Variants in ERMP1 observed in about 807,000 individuals in gnomAD.
ERMP1 encodes the protein endoplasmic reticulum metallopeptidase 1.
In ERMP1, 86 loss-of-function variants were observed where a neutral mutation model predicts 92.0. The ratio of observed to expected loss-of-function variants is 0.93; its 90% CI spans 0.79 to 1.12. The LOEUF (loss-of-function observed/expected upper bound fraction) is 1.12, where lower values mean the gene tolerates loss of function less well. Among genes scored for constraint, ERMP1 ranks in the 50% most tolerant of loss-of-function variants. ERMP1 has a pLI of 0.00. For missense variants in ERMP1, 1,342 were observed against 1,116.3 expected (o/e 1.20, Z -2.88); for synonymous variants, 530 against 412.8 (o/e 1.28, Z -3.44).
chr9:5,860,290 CAA>C (rs112752410), intron 5 of ERMP1, among the ~76,000 whole-genome samples: 22 of 120,026 alleles, frequency 1.8e-4, no homozygotes, highest in Non-Finnish European at 1.4e-4. Context: ...ACCCTGTTTC[CAA>C]AAAAAAAAAA....
In ERMP1 at chr9:5,854,711, G is replaced by T. The variant is rs186946773; in HGVS notation, n.3199+4757C>A. The stretch of plus-strand genomic sequence containing the variant: ...TGGCTAATCTTTCATATTTTTGGTA[G>T]ATATGGGGTTTTGCCATGTTGCCCA... On this transcript the variant is annotated intron_variant and non_coding_transcript_variant, in intron 6 of 6. Transcript: ENST00000690753. Among the ~76,000 whole-genome samples, 596 of 152,170 alleles carry T rather than the reference G, an allele frequency of 3.9e-3. 1 individual carries two copies. The highest frequency in any genetic ancestry group is 6.8e-3 in the Middle Eastern group (2 of 294).
intron 5 of ERMP1, among the ~76,000 whole-genome samples, chr9:5,864,471 A>G (rs1830592332): frequency 6.6e-6 from 1 of 152,240 alleles, no homozygotes; most frequent in African/African-American, 2.4e-5. Flanking sequence ...AGTAATTAAT[A>G]GCACTTTTGT....
intron 6 of ERMP1, among the ~76,000 whole-genome samples, chr9:5,857,045 G>A (rs1318189560): frequency 6.6e-6 from 1 of 151,976 alleles, no homozygotes; most frequent in Non-Finnish European, 1.5e-5. Flanking sequence ...TTTGGAGACA[G>A]GGTCTTACTC....
At chr9:5,804,596 A>G (rs752323152) in intron 10 of ERMP1, among the ~76,000 whole-genome samples, 2 of 152,210 alleles carry the variant, frequency 1.3e-5, no homozygotes, top group Non-Finnish European at 2.9e-5. Context: ...GCCTCATCAG[A>G]TTTAGTCTTC....
chr9:5,819,032 C>A (rs1292042501), intron 4 of ERMP1, among the ~76,000 whole-genome samples: 4 of 152,168 alleles, frequency 2.6e-5, no homozygotes, highest in Non-Finnish European at 5.9e-5. Flanking sequence ...AAAAGCTATG[C>A]ATAAATTTAC....
intron 3 of ERMP1, among the ~76,000 whole-genome samples, chr9:5,824,421 AT>A (rs944330542): frequency 2.0e-5 from 3 of 152,112 alleles, no homozygotes; most frequent in African/African-American, 4.8e-5. Flanking sequence ...TTGTTTGCTC[AT>A]TTTTGAAACA....
At chr9:5,823,861 T>C (rs375292065) in intron 4 of ERMP1, 35 bp downstream of exon 4, 69 of 1,392,838 alleles carry the variant, frequency 5.0e-5, no homozygotes, top group Non-Finnish European at 6.2e-5. Context: ...AAAACTAGAA[T>C]TGCATTAAAA....
chr9:5,805,262 G>C (rs539012101), intron 9 of ERMP1, 45 bp from the exon 10 acceptor site: 2 of 1,453,272 alleles, frequency 1.4e-6, no homozygotes, highest in Non-Finnish European at 9.4e-7. Context: ...AAATCCTCCA[G>C]TGAGATATAA....
intron 4 of ERMP1, among the ~76,000 whole-genome samples, chr9:5,817,120 G>T (rs140495262): frequency 6.6e-6 from 1 of 151,860 alleles, no homozygotes; most frequent in African/African-American, 2.4e-5. Flanking sequence ...GGAAGGTCTC[G>T]ATCTCCTGAC....
chr9:5,829,656 C>T (rs1829865698), intron 2 of ERMP1, among the ~76,000 whole-genome samples: 1 of 152,190 alleles, frequency 6.6e-6, no homozygotes, highest in South Asian at 2.1e-4. Flanking sequence ...ATTAATTACA[C>T]CCTAATATTC....
chr9:5,789,886 G>C (rs1055868374), intron 13 of ERMP1, among the ~76,000 whole-genome samples: 1 of 139,036 alleles, frequency 7.2e-6, no homozygotes, highest in African/African-American at 2.6e-5. Context: ...GTCTCCCCGT[G>C]TTGCCCAGGC....
rs1404518747 is a variant in ERMP1, at chr9:5,787,466, G to A, written c.2514C>T (p.Leu838=). 1 of 1,613,940 alleles carries A rather than the reference G, an allele frequency of 6.2e-7. No homozygotes were observed. The highest frequency in any genetic ancestry group is 8.5e-7 in the Non-Finnish European group (1 of 1,179,978). ...TCCAGAACTGCCATGCAGAGGCCTG[G>A]AGTCCATGGGAGTAAAAGACAAAGT... ...GDYFVFYSHG[L]QASAWQFWIE... is the part of the protein sequence containing the mutation. The change falls in exon 14 of 15, where the codon CTC becomes CTT. Residue 838 remains leucine, a synonymous_variant. Coordinates refer to ENST00000339450, the MANE Select transcript of ERMP1 (RefSeq NM_024896.3).
chr9:5,809,876 T>G, intron 8 of ERMP1, 135 bp downstream of exon 8: 1 of 630,864 alleles, frequency 1.6e-6, no homozygotes, highest in Non-Finnish European at 2.8e-6. Context: ...ATTAACACAG[T>G]GTAGGTGCGT....
At chr9:5,799,914 T>C (rs534205474) in intron 11 of ERMP1, among the ~76,000 whole-genome samples, 1 of 152,368 alleles carries the variant, frequency 6.6e-6, no homozygotes, top group East Asian at 1.9e-4. Flanking sequence ...CTAAAGGTTT[T>C]ACAAATTGTA....
At chr9:5,820,714 T>A (rs1829501017) in intron 4 of ERMP1, among the ~76,000 whole-genome samples, 1 of 152,116 alleles carries the variant, frequency 6.6e-6, no homozygotes, top group South Asian at 2.1e-4. Flanking sequence ...GCAGGACAAA[T>A]ATTATCACAC....
intron 2 of ERMP1, among the ~76,000 whole-genome samples, chr9:5,827,814 CAA>C (rs1046747288): frequency 2.5e-5 from 3 of 121,824 alleles, no homozygotes; most frequent in Non-Finnish European, 3.5e-5. Context: ...GACTCCGTCT[CAA>C]AAAAAAAAAA....
chr9:5,825,359 G>A lies in ERMP1; in HGVS notation c.641-140C>T, dbSNP rs1829692932. On this transcript the variant is annotated intron_variant, in intron 2 of 14. Transcript: ENST00000339450. ...CAGAAGCATAGCTCTGTCATCATCA[G>A]GTGACAATCACACCCACCAGCAGTA... is the stretch of plus-strand genomic sequence containing the variant. 8 of 804,894 alleles carry A rather than the reference G, an allele frequency of 9.9e-6. No homozygotes were observed. In the South Asian group the frequency reaches 1.1e-4, roughly 11 times the overall value. 49.9% of individuals were successfully genotyped at this position (804,894 alleles called of 1,614,324 possible).
At chr9:5,844,627 C>T (rs1237270858) in intron 6 of ERMP1, among the ~76,000 whole-genome samples, 5 of 152,108 alleles carry the variant, frequency 3.3e-5, no homozygotes, top group African/African-American at 9.7e-5. Flanking sequence ...AAACTTCTGC[C>T]GTCACCTTTG....
intron 13 of ERMP1, among the ~76,000 whole-genome samples, chr9:5,793,839 A>T (rs1184429561): frequency 6.6e-6 from 1 of 152,172 alleles, no homozygotes; most frequent in Non-Finnish European, 1.5e-5. Context: ...TCACAATTAC[A>T]GTCAGAGACT....
Sources: gnomAD v4.1 joint callset for allele counts (sites outside exome capture counted in the v4.1 genomes callset) on GRCh38, gnomAD v4.1.1 for gene constraint, MANE v1.5 for transcripts, NCBI Gene and HGNC (gene_info 2026-07-23, HGNC 2026-07-21) for gene names.